The following DOCK9 variants were observed in gnomAD, a reference collection of about 807,000 sequenced individuals.
DOCK9 encodes the protein dedicator of cytokinesis protein 9.
In DOCK9, 89 loss-of-function variants were observed where a neutral mutation model predicts 263.3. The ratio of observed to expected loss-of-function variants is 0.34; its 90% CI spans 0.28 to 0.40. The LOEUF (loss-of-function observed/expected upper bound fraction) is 0.40. Ranked by LOEUF, DOCK9 falls within the 10% of genes least tolerant of loss-of-function variation. DOCK9 has a pLI of 1.00. For missense variants in DOCK9, 2,140 were observed against 2,603.4 expected, an observed-to-expected ratio of 0.82 and a Z score of 3.87; for synonymous variants, 976 against 973.1, an observed-to-expected ratio of 1.00 and a Z score of -0.06.
rs1595578068 is a variant in DOCK9, at chr13:98,950,547, C to G, written c.243+4888G>C. On this transcript the variant is annotated intron_variant, in intron 2 of 52. Transcript: ENST00000682017. ...TGAACTTCTAGGCTTAAGCAATCCT[C>G]CCACCTTGGTCACCCAAAGTGCTGG... is the stretch of plus-strand genomic sequence containing the variant. The G allele has an allele frequency of 1.2e-5, 4 of 334,178 alleles. No homozygotes were observed. In the East Asian group the frequency reaches 2.3e-4, roughly 19 times the overall value. 20.7% of individuals were successfully genotyped at this position (334,178 alleles called of 1,614,324 possible).
In DOCK9 at chr13:98,897,479, G is replaced by T. The variant is rs767366629; in HGVS notation, c.1709+9C>A. On this transcript the variant is annotated intron_variant, in intron 15 of 52. Coordinates refer to ENST00000682017, the MANE Select transcript of DOCK9 (RefSeq NM_001366683.2). The stretch of plus-strand genomic sequence containing the variant: ...TTTTCAGGTGTGGAAATAAGACCTT[G>T]AAACTCACTTCCGAAAGTCTGCAAG... 2.5e-6 allele frequency: 4 copies of T among 1,613,318 alleles called. No homozygotes were observed. In the South Asian group the frequency reaches 4.4e-5, roughly 18 times the overall value.
intron 1 of DOCK9, among the ~76,000 whole-genome samples, chr13:99,010,882 C>T (rs1204197880): frequency 6.6e-6 from 1 of 152,182 alleles, no homozygotes; most frequent in Non-Finnish European, 1.5e-5. Flanking sequence ...TTTTTCTTCA[C>T]TATATGCTTC....
At chr13:99,045,083 T>C (rs999370212) in intron 1 of DOCK9, among the ~76,000 whole-genome samples, 27 of 152,186 alleles carry the variant, frequency 1.8e-4, no homozygotes, top group African/African-American at 5.6e-4. Context: ...GAAGCCACTG[T>C]GGAAAACAGT....
chr13:98,978,868 G>C (rs1164986622), upstream of DOCK9, among the ~76,000 whole-genome samples: 3 of 152,036 alleles, frequency 2.0e-5, no homozygotes, highest in Admixed American at 2.0e-4. Flanking sequence ...TTCAATGGTG[G>C]TTTAGTAGCA....
chr13:99,028,089 T>C (rs1365062376), intron 1 of DOCK9, among the ~76,000 whole-genome samples: 1 of 152,080 alleles, frequency 6.6e-6, no homozygotes, highest in Non-Finnish European at 1.5e-5. Context: ...AATAACCCAC[T>C]CTAAAAATTT....
intron 1 of DOCK9, among the ~76,000 whole-genome samples, chr13:98,974,748 CAAAAAAA>C (rs57196019): frequency 6.0e-5 from 2 of 33,206 alleles, no homozygotes; most frequent in East Asian, 1.2e-3. Flanking sequence ...AACTCTGTCT[CAAAAAAA>C]AAAAAAAAAA....
chr13:99,002,053 G>T (rs1169156557), intron 1 of DOCK9, among the ~76,000 whole-genome samples: 1 of 152,214 alleles, frequency 6.6e-6, no homozygotes, highest in Non-Finnish European at 1.5e-5. Flanking sequence ...CTACCACGGA[G>T]TCAGAAGATG....
chr13:99,008,422 C>T lies in DOCK9; in HGVS notation c.130-52871G>A, dbSNP rs193259788. 5.9e-3 allele frequency among the ~76,000 whole-genome samples: 898 copies of T among 151,830 alleles called. 5 individuals are homozygous for T. The highest frequency in any genetic ancestry group is 9.1e-3 in the Non-Finnish European group (619 of 67,922). ...CTAATTTTTGTATTTTTAGTAGAGACGGGGTTTCACCATGTTGGCCAGGCT... is the reference window on the plus strand; with the variant it reads ...CTAATTTTTGTATTTTTAGTAGAGATGGGGTTTCACCATGTTGGCCAGGCT... On this transcript the variant is annotated intron_variant, in intron 1 of 32. Coordinates refer to the DOCK9 transcript ENST00000427887.
chr13:98,846,101 G>A (rs756934381), intron 37 of DOCK9, 41 bp from the exon 38 acceptor site: 10 of 1,548,508 alleles, frequency 6.5e-6, no homozygotes, highest in South Asian at 3.6e-5. Flanking sequence ...AAAGTTAGAC[G>A]TGTTACACTG....
chr13:99,082,292 C>T (rs530590339), intron 1 of DOCK9, among the ~76,000 whole-genome samples: 2 of 151,554 alleles, frequency 1.3e-5, no homozygotes, highest in African/African-American at 2.4e-5. Context: ...CCGAGGTGGG[C>T]GGATCACCTG....
At chr13:98,965,790 C>T (rs1460165698) in intron 1 of DOCK9, among the ~76,000 whole-genome samples, 5 of 152,166 alleles carry the variant, frequency 3.3e-5, no homozygotes, top group African/African-American at 1.2e-4. Flanking sequence ...TAAGAAACAC[C>T]AAACTCCCAG....
intron 45 of DOCK9, among the ~76,000 whole-genome samples, chr13:98,813,916 C>T (rs1483877511): frequency 6.6e-6 from 1 of 152,176 alleles, no homozygotes; most frequent in African/African-American, 2.4e-5. Context: ...GCTGAGATTA[C>T]AGGCATGAGC....
intron 2 of DOCK9, among the ~76,000 whole-genome samples, chr13:98,936,914 T>A (rs1595472769): frequency 6.6e-6 from 1 of 152,356 alleles, no homozygotes; most frequent in East Asian, 1.9e-4. Flanking sequence ...ATTTAGCTTA[T>A]AGCGAAGTCC....
intron 1 of DOCK9, among the ~76,000 whole-genome samples, chr13:99,073,905 C>T (rs1432847850): frequency 6.6e-6 from 1 of 152,208 alleles, no homozygotes; most frequent in East Asian, 1.9e-4. Flanking sequence ...AAAGCCAAAA[C>T]TCTTTCTAGA....
intron 1 of DOCK9, among the ~76,000 whole-genome samples, chr13:99,023,012 G>A (rs1013814723): frequency 6.6e-6 from 1 of 152,184 alleles, no homozygotes; most frequent in Non-Finnish European, 1.5e-5. Flanking sequence ...TTATTTGCTG[G>A]TAGAAATGTA....
intron 41 of DOCK9, among the ~76,000 whole-genome samples, chr13:98,830,204 T>TC (rs1173850173): frequency 1.3e-5 from 2 of 152,228 alleles, no homozygotes; most frequent in African/African-American, 4.8e-5. Context: ...GGGGGCTCTG[T>TC]CTTTTTTTGG....
chr13:98,924,659 G>T (rs1324129354), intron 4 of DOCK9, among the ~76,000 whole-genome samples: 1 of 152,166 alleles, frequency 6.6e-6, no homozygotes, highest in Non-Finnish European at 1.5e-5. Flanking sequence ...TGGCAAGATG[G>T]GATTACTTGT....
At position 99,054,125 on chromosome 13, in the gene DOCK9, C is replaced by T. The variant is rs1468095225; in HGVS notation, c.129+32098G>A. On this transcript the variant is annotated intron_variant, in intron 1 of 32. Coordinates refer to the DOCK9 transcript ENST00000427887. ...TTGCCGCATCTCAAAAGAGGAGACT[C>T]TTCTGGTGGCTCACTCTAAAATCTA... Among the ~76,000 whole-genome samples, 7 of 152,322 alleles carry T rather than the reference C, an allele frequency of 4.6e-5. No homozygotes were observed. In the East Asian group the frequency reaches 1.3e-3, roughly 29 times the overall value.
chr13:98,931,423 C>T lies in DOCK9; in HGVS notation c.244-1166G>A, dbSNP rs973623653. 3.8e-4 allele frequency among the ~76,000 whole-genome samples: 57 copies of T among 151,676 alleles called. 1 individual carries two copies. Among genetic ancestry groups the T allele is most frequent in the African/African-American group, 1.3e-3 (55 of 41,348 alleles). On this transcript the variant is annotated intron_variant, in intron 2 of 52. Coordinates refer to ENST00000682017, the MANE Select transcript of DOCK9 (RefSeq NM_001366683.2). ...ACGCCATTCTTCTGCCTCAGCCTCC[C>T]GAGCAGCTGGGACTACAGGCGCCTG...
Sources: gnomAD v4.1 joint callset for allele counts (sites outside exome capture counted in the v4.1 genomes callset) on GRCh38, gnomAD v4.1.1 for gene constraint, MANE v1.5 for transcripts, NCBI Gene and HGNC (gene_info 2026-07-23, HGNC 2026-07-21) for gene names.